Variants in SEC31A observed in about 807,000 individuals in gnomAD.
SEC31A encodes the protein SEC31 homolog A, COPII component.
SEC31A carries 70 observed loss-of-function variants against 151.0 expected under a neutral mutation model. The observed-to-expected ratio is 0.46, with a 90% CI of 0.38 to 0.57. The LOEUF is 0.57. SEC31A is among the 20% of genes least tolerant of loss of function. The probability of loss-of-function intolerance (pLI) is 0.00; values close to 1 mark genes in which losing one functional copy is unlikely to be tolerated. For synonymous variants in SEC31A, 475 were observed against 505.9 expected (o/e 0.94, Z 0.82); for missense variants, 1,330 against 1,471.2 (o/e 0.90, Z 1.57).
At chr4:82,855,701 A>C (rs1346815583) in intron 16 of SEC31A, among the ~76,000 whole-genome samples, 2 of 152,250 alleles carry the variant, frequency 1.3e-5, no homozygotes, top group Non-Finnish European at 2.9e-5. Flanking sequence ...AGAAAACCAA[A>C]TACCGCATGT....
chr4:82,854,101 C>T (rs746070283), intron 17 of SEC31A, among the ~76,000 whole-genome samples: 2 of 152,088 alleles, frequency 1.3e-5, no homozygotes, highest in African/African-American at 2.4e-5. Context: ...TGGTGGCTCA[C>T]GTCTGTAATC....
At position 82,872,020 on chromosome 4, in the gene SEC31A, C is replaced by T. The variant is rs1295013106; in HGVS notation, c.706G>A (p.Asp236Asn). Residue 236 changes from aspartate to asparagine, a missense_variant, in exon 7 of 27, where the codon GAC becomes AAC. Asp to Asn is a conservative substitution (Grantham distance 23, BLOSUM62 1). Transcript: ENST00000395310. ...ATQMVLASED[D>N]RLPVIQMWDL... ...CACATCTGGATCACTGGTAACCGGT[C>T]ATCCTCGGAGGCAAGGACCATCTGA... is the stretch of plus-strand genomic sequence containing the variant. The T allele has an allele frequency of 1.9e-6, 3 of 1,614,044 alleles. No individual in the cohort carries two copies. In the South Asian group the frequency reaches 3.3e-5, roughly 18 times the overall value.
intron 25 of SEC31A, among the ~76,000 whole-genome samples, chr4:82,822,171 A>G (rs1723513944): frequency 6.6e-6 from 1 of 152,344 alleles, no homozygotes; most frequent in East Asian, 1.9e-4. Flanking sequence ...GCTGCTTACT[A>G]TGTGCTGTAC....
rs1221651387 is a variant in SEC31A, at chr4:82,872,901, C to T, written c.640-815G>A. On this transcript the variant is annotated intron_variant, in intron 6 of 26. Transcript: ENST00000395310. ...TTGTATTTTAGTAGAGAAGGGGTTT[C>T]ACCATGTTGCCCAGGATGGTCTTGA... 2.0e-5 allele frequency among the ~76,000 whole-genome samples: 3 copies of T among 151,844 alleles called. No individual in the cohort carries two copies. The East Asian group carries it at 5.9e-4, about 30-fold the overall frequency.
intron 1 of SEC31A, among the ~76,000 whole-genome samples, chr4:82,883,141 G>A (rs1376925843): frequency 1.3e-5 from 2 of 152,126 alleles, no homozygotes; most frequent in Non-Finnish European, 2.9e-5. Context: ...TACTTTGATG[G>A]AAAAATTACA....
At chr4:82,843,736 T>C (rs1056828724) in intron 21 of SEC31A, 3 of 152,206 alleles carry the variant, frequency 2.0e-5, no homozygotes, top group Non-Finnish European at 4.4e-5. Context: ...GTATAATTAT[T>C]TTCTTTTAAA....
At chr4:82,857,866 AC>A in intron 14 of SEC31A, 102 bp from the exon 15 acceptor site, 4 of 692,766 alleles carry the variant, frequency 5.8e-6, no homozygotes, top group Non-Finnish European at 9.9e-6. Context: ...AGAGTAGATG[AC>A]ATACCAAGTT....
chr4:82,869,205 C>T (rs531782103), intron 8 of SEC31A, among the ~76,000 whole-genome samples: 25 of 151,952 alleles, frequency 1.6e-4, no homozygotes, highest in East Asian at 1.2e-3. Context: ...CTGCAAGCTC[C>T]GCCTCCCAGG....
intron 1 of SEC31A, among the ~76,000 whole-genome samples, chr4:82,886,012 G>T (rs1740616307): frequency 1.3e-5 from 2 of 151,914 alleles, no homozygotes; most frequent in South Asian, 4.1e-4. Context: ...CAGAAAGTTA[G>T]ACAATCTGTA....
intron 4 of SEC31A, chr4:82,877,993 T>G (rs900514236): frequency 6.6e-6 from 1 of 152,110 alleles, no homozygotes; most frequent in African/African-American, 2.4e-5. Context: ...GCCCAGCCAT[T>G]ACATTTAATT....
At chr4:82,839,979 G>A (rs937525638) in intron 22 of SEC31A, among the ~76,000 whole-genome samples, 2 of 145,560 alleles carry the variant, frequency 1.4e-5, no homozygotes, top group African/African-American at 2.6e-5. Context: ...GATGATTTTT[G>A]AAATTGCAAT....
chr4:82,843,954 C>A (rs1289233005), intron 21 of SEC31A: 1 of 156,096 alleles, frequency 6.4e-6, no homozygotes, highest in African/African-American at 2.4e-5. Flanking sequence ...TAAGACTGCT[C>A]TAAAATACAA....
Position 82,878,826 on chromosome 4 carries a change from A to T in SEC31A, c.306T>A (p.Asp102Glu), listed in dbSNP as rs143894191. Residue 102 changes from aspartate (D) to glutamate (E), a missense_variant, in exon 4 of 27, where the codon GAT becomes GAA. Physicochemically the swap from Asp to Glu is conservative, Grantham distance 45 (BLOSUM62 2). Coordinates refer to ENST00000395310, the MANE Select transcript of SEC31A (RefSeq NM_001077207.4). ...GGENGNIILYDPSKIIAGDKE... is the reference protein window; with the variant it reads ...GGENGNIILYEPSKIIAGDKE... ...TGTCTCCAGCTATAATTTTAGAAGG[A>T]TCATAGAGAATAATATTTCCATTTT... 7 of 1,613,784 alleles carry T rather than the reference A, an allele frequency of 4.3e-6. No homozygotes were observed. The African/African-American group carries it at 9.3e-5, about 22-fold the overall frequency.
At position 82,857,676 on chromosome 4, in the gene SEC31A, A is replaced by C; in HGVS notation, c.1702+13T>G. ...TTAAAAAAAATTAGAAATCAAAACC[A>C]ACAAGTACTTACCCCCACTGACAGA... On this transcript the variant is annotated intron_variant, in intron 15 of 26. Coordinates refer to ENST00000395310, the MANE Select transcript of SEC31A (RefSeq NM_001077207.4). 2 of 1,512,888 alleles carry C rather than the reference A, an allele frequency of 1.3e-6. No homozygotes were observed. The highest frequency in any genetic ancestry group is 9.1e-7 in the Non-Finnish European group (1 of 1,097,014). 93.7% of individuals were successfully genotyped at this position (1,512,888 alleles called of 1,614,324 possible).
At chr4:82,898,199 GA>G (rs35297859) in intron 3 of SEC31A, 4 of 152,178 alleles carry the variant, frequency 2.6e-5, no homozygotes, top group Admixed American at 2.6e-4. Context: ...GAACAGCAGT[GA>G]AAAGGTTTAA....
intron 14 of SEC31A, among the ~76,000 whole-genome samples, chr4:82,859,853 G>A (rs1733679396): frequency 1.3e-5 from 2 of 150,016 alleles, no homozygotes; most frequent in Non-Finnish European, 1.5e-5. Context: ...GTGCAGTGGC[G>A]CATTCTCAGC....
chr4:82,844,437 T>C lies in SEC31A; in HGVS notation c.2575A>G (p.Thr859Ala). 1 of 1,614,078 alleles carries C rather than the reference T, an allele frequency of 6.2e-7. No homozygotes were observed. ...TGGGTGTGCATATGACCTGGAGATGTGGGAAGCTGACCAGCAGCATTTGGA... is the reference window on the plus strand; with the variant it reads ...TGGGTGTGCATATGACCTGGAGATGCGGGAAGCTGACCAGCAGCATTTGGA... ...VNPNAAGQLP[T>A]SPGHMHTQVP... The change falls in exon 21 of 27, where the codon ACA becomes GCA. Residue 859 changes from threonine to alanine, a missense_variant. Coordinates refer to ENST00000395310, the MANE Select transcript of SEC31A (RefSeq NM_001077207.4).
In SEC31A at chr4:82,878,763, GC is replaced by G. The variant is rs778255619; in HGVS notation, c.368del (p.Gly123AlafsTer3). On this transcript the variant is annotated frameshift_variant, in exon 4 of 27. Coordinates refer to ENST00000395310, the MANE Select transcript of SEC31A (RefSeq NM_001077207.4). LOFTEE classifies it high-confidence loss of function. ...VVIAQNDKHT[G>X]PVRALDVNIF... is the part of the protein sequence containing the mutation. ...TGTTCACATCCAAGGCTCTCACTGGGCCAGTATGCTTGTCATTCTGGGCAAT... is the reference window on the plus strand; with the variant it reads ...TGTTCACATCCAAGGCTCTCACTGGGCAGTATGCTTGTCATTCTGGGCAAT... 6.2e-7 allele frequency: 1 copy of G among 1,613,950 alleles called. No individual in the cohort carries two copies. The highest frequency in any genetic ancestry group is 1.7e-5 in the Admixed American group (1 of 60,018).
chr4:82,839,787 T>C (rs993897939), intron 22 of SEC31A, among the ~76,000 whole-genome samples: 4 of 152,254 alleles, frequency 2.6e-5, no homozygotes, highest in Non-Finnish European at 5.9e-5. Flanking sequence ...AAAAGTGTTG[T>C]CTGGCTTCCT....
Sources: gnomAD v4.1 joint callset for allele counts (sites outside exome capture counted in the v4.1 genomes callset) on GRCh38, gnomAD v4.1.1 for gene constraint, MANE v1.5 for transcripts, NCBI Gene and HGNC (gene_info 2026-07-23, HGNC 2026-07-21) for gene names.